SYN3: variants seen among roughly 807,000 people sequenced by gnomAD.
SYN3 encodes the protein synapsin III.
A neutral mutation model predicts 65.8 loss-of-function variants in SYN3; 35 were observed. The ratio of observed to expected loss-of-function variants is 0.53; its 90% CI spans 0.41 to 0.70. The LOEUF is 0.70. Among genes scored for constraint, SYN3 ranks in the 30% least tolerant of loss-of-function variants. SYN3 has a pLI of 0.00. For synonymous variants in SYN3, 270 were observed against 292.9 expected (o/e 0.92, Z 0.80); for missense variants, 680 against 749.0 (o/e 0.91, Z 1.08).
chr22:32,757,060 G>GA (rs970746939), intron 6 of SYN3, among the ~76,000 whole-genome samples: 2 of 150,692 alleles, frequency 1.3e-5, no homozygotes, highest in African/African-American at 4.9e-5. Flanking sequence ...TTTTTTTTGA[G>GA]GGGGGGTGGT....
intron 6 of SYN3, among the ~76,000 whole-genome samples, chr22:32,718,008 C>G (rs1487685821): frequency 3.3e-5 from 5 of 152,208 alleles, no homozygotes; most frequent in African/African-American, 1.2e-4. Flanking sequence ...CAAGCCCAGA[C>G]AGAGATTTAA....
In SYN3 at chr22:32,846,617, T is replaced by A. The variant is rs73158352; in HGVS notation, c.711+18298A>T. Among the ~76,000 whole-genome samples the A allele has an allele frequency of 5.6e-3, 847 of 152,344 alleles. 5 individuals carry two copies. Among genetic ancestry groups the A allele is most frequent in the South Asian group, 0.021 (103 of 4,828 alleles). The stretch of plus-strand genomic sequence containing the variant: ...TGGGAAACCAAGGCATAGAGAGGTT[T>A]AGCAACTTCCTGAAGGTCACCCAGC... On this transcript the variant is annotated intron_variant, in intron 6 of 13. Transcript: ENST00000358763.
At chr22:32,530,841 A>G (rs1485528219) in intron 10 of SYN3, among the ~76,000 whole-genome samples, 2 of 151,896 alleles carry the variant, frequency 1.3e-5, no homozygotes, top group African/African-American at 4.8e-5. Flanking sequence ...CGTCTCTACT[A>G]AAAATACAAA....
intron 3 of SYN3, among the ~76,000 whole-genome samples, chr22:32,936,490 A>C (rs1340232521): frequency 6.6e-6 from 1 of 151,522 alleles, no homozygotes; most frequent in African/African-American, 2.4e-5. Context: ...GAGAAAAAAT[A>C]AAACAAACAA....
intron 6 of SYN3, among the ~76,000 whole-genome samples, chr22:32,658,470 G>C (rs1413979383): frequency 6.6e-6 from 1 of 152,226 alleles, no homozygotes; most frequent in Non-Finnish European, 1.5e-5. Flanking sequence ...CCCTGCCTTG[G>C]CAGGTTAGAA....
intron 4 of SYN3, among the ~76,000 whole-genome samples, chr22:32,913,253 C>T (rs1045093386): frequency 6.6e-6 from 1 of 151,908 alleles, no homozygotes; most frequent in Non-Finnish European, 1.5e-5. Flanking sequence ...CTCCAGCTCC[C>T]AGGTTCACAC....
chr22:32,619,097 C>T (rs1333581036), intron 6 of SYN3, among the ~76,000 whole-genome samples: 1 of 152,088 alleles, frequency 6.6e-6, no homozygotes, highest in Non-Finnish European at 1.5e-5. Flanking sequence ...ATCAGCATCA[C>T]CTGGGCTCTT....
At chr22:32,568,714 G>T (rs149624084) in intron 7 of SYN3, among the ~76,000 whole-genome samples, 8 of 152,292 alleles carry the variant, frequency 5.3e-5, no homozygotes, top group Non-Finnish European at 8.8e-5. Context: ...ATCACCTTGG[G>T]GGGTAGGACT....
chr22:32,788,355 C>G (rs976205590), intron 6 of SYN3, among the ~76,000 whole-genome samples: 1 of 152,018 alleles, frequency 6.6e-6, no homozygotes, highest in South Asian at 2.1e-4. Flanking sequence ...GACTGGCCAA[C>G]ATGATGAAAC....
At chr22:32,849,587 A>G (rs1458876494) in intron 6 of SYN3, 1 of 1,547,038 alleles carries the variant, frequency 6.5e-7, no homozygotes, top group African/African-American at 1.4e-5. Flanking sequence ...TTTTGCCAGA[A>G]GAGTCCTGGC....
intron 1 of SYN3, among the ~76,000 whole-genome samples, chr22:33,045,389 T>C (rs1440578417): frequency 6.6e-6 from 1 of 152,010 alleles, no homozygotes; most frequent in Non-Finnish European, 1.5e-5. Flanking sequence ...TCTCCAGGTA[T>C]GTTACTACTC....
chr22:32,752,231 G>A (rs1191387736), intron 6 of SYN3, among the ~76,000 whole-genome samples: 1 of 152,188 alleles, frequency 6.6e-6, no homozygotes, highest in Non-Finnish European at 1.5e-5. Context: ...AGCACCAACT[G>A]TGTGCAAAGT....
At chr22:32,730,610 A>G (rs2061257467) in intron 6 of SYN3, among the ~76,000 whole-genome samples, 1 of 152,232 alleles carries the variant, frequency 6.6e-6, no homozygotes, top group Non-Finnish European at 1.5e-5. Flanking sequence ...CTTATCAAGT[A>G]TCCCGACCTG....
chr22:32,549,875 C>A (rs1010023050), intron 7 of SYN3, among the ~76,000 whole-genome samples: 3 of 132,474 alleles, frequency 2.3e-5, no homozygotes, highest in Non-Finnish European at 3.1e-5. Context: ...GGCAGCACAG[C>A]GAGACTCTGT....
chr22:32,556,893 G>A (rs761359126), intron 7 of SYN3, among the ~76,000 whole-genome samples: 18 of 139,808 alleles, frequency 1.3e-4, no homozygotes, highest in South Asian at 2.3e-4. Flanking sequence ...TCCTGGCCTC[G>A]AATGGTCCTC....
At chr22:32,677,594 C>A (rs567792499) in intron 6 of SYN3, among the ~76,000 whole-genome samples, 5 of 152,168 alleles carry the variant, frequency 3.3e-5, no homozygotes, top group African/African-American at 1.2e-4. Context: ...GTCAGGAGAT[C>A]GAGATCATTC....
intron 1 of SYN3, among the ~76,000 whole-genome samples, chr22:33,017,427 A>G (rs2053485982): frequency 6.6e-6 from 1 of 152,164 alleles, no homozygotes; most frequent in South Asian, 2.1e-4. Context: ...ATAACATTGG[A>G]ATGTTGATAG....
chr22:33,004,848 G>T (rs2053155994), intron 2 of SYN3, among the ~76,000 whole-genome samples: 1 of 152,148 alleles, frequency 6.6e-6, no homozygotes, highest in African/African-American at 2.4e-5. Flanking sequence ...GGGGTGGAAT[G>T]ATATGGTTTG....
At chr22:32,823,691 G>C (rs1157015188) in intron 6 of SYN3, among the ~76,000 whole-genome samples, 2 of 151,964 alleles carry the variant, frequency 1.3e-5, no homozygotes, top group Non-Finnish European at 2.9e-5. Context: ...AGCTTGGTGG[G>C]CTCCCATGGT....
Sources: allele counts gnomAD v4.1 joint callset (sites outside exome capture counted in the v4.1 genomes callset), GRCh38; gene constraint gnomAD v4.1.1; transcripts MANE v1.5; gene names NCBI Gene and HGNC (gene_info 2026-07-23, HGNC 2026-07-21).